Variants in WWOX observed in about 807,000 individuals in gnomAD.
WWOX encodes WW domain-containing oxidoreductase.
WWOX carries 69 observed loss-of-function variants against 46.2 expected under a neutral mutation model. That is an observed-to-expected ratio of 1.49 (90% CI 1.23 to 1.82). The LOEUF (loss-of-function observed/expected upper bound fraction) is 1.82. Among genes scored for constraint, WWOX ranks in the 40% most tolerant of loss-of-function variants. The pLI, the probability that WWOX is intolerant of heterozygous loss-of-function variation, is 0.00. For missense variants in WWOX, 919 were observed against 542.6 expected, an observed-to-expected ratio of 1.69 and a Z score of -6.89; for synonymous variants, 359 against 202.6, an observed-to-expected ratio of 1.77 and a Z score of -6.56.
At chr16:78,433,711 ACTGT>A (rs2083273333) in intron 8 of WWOX, among the ~76,000 whole-genome samples, 1 of 150,632 alleles carries the variant, frequency 6.6e-6, no homozygotes, top group African/African-American at 2.4e-5. Flanking sequence ...GACCTTGGAA[ACTGT>A]CTGCTGCCTT....
At chr16:78,301,282 A>G (rs563832670) in intron 5 of WWOX, among the ~76,000 whole-genome samples, 5 of 152,312 alleles carry the variant, frequency 3.3e-5, no homozygotes, top group African/African-American at 9.6e-5. Flanking sequence ...AAGTTCACAC[A>G]TTACATTTGG....
rs565428136 is a variant in WWOX at position 78,115,956 on chromosome 16, C to T, written c.409+802C>T. Among the ~76,000 whole-genome samples, 88 of 152,246 alleles carry T rather than the reference C, an allele frequency of 5.8e-4. 2 individuals are homozygous for T. Among genetic ancestry groups the T allele is most frequent in the African/African-American group, 2.1e-3 (88 of 41,548 alleles). On this transcript the variant is annotated intron_variant, in intron 4 of 8. Transcript: ENST00000566780. ...GTCCCCCGCAGCCCTCACACGGCCC[C>T]CTTGATGCCCTCCTCTACTCATTTG...
intron 8 of WWOX, among the ~76,000 whole-genome samples, chr16:78,771,784 T>C (rs1274288211): frequency 6.7e-6 from 1 of 148,458 alleles, no homozygotes; most frequent in Non-Finnish European, 1.5e-5. Context: ...AATAAATAAA[T>C]AAATAAATAA....
intron 8 of WWOX, among the ~76,000 whole-genome samples, chr16:78,871,572 C>A (rs1567616688): frequency 6.6e-6 from 1 of 152,110 alleles, no homozygotes; most frequent in Non-Finnish European, 1.5e-5. Flanking sequence ...CAATCTAAAT[C>A]CTAAATTGAG....
intron 8 of WWOX, among the ~76,000 whole-genome samples, chr16:78,574,367 A>G (rs2044795337): frequency 6.6e-6 from 1 of 152,222 alleles, no homozygotes; most frequent in African/African-American, 2.4e-5. Flanking sequence ...ACCAGGTGGT[A>G]GGGATTATGT....
chr16:78,830,944 T>A lies in WWOX; in HGVS notation c.1057-380664T>A, dbSNP rs577269184. Among the ~76,000 whole-genome samples, 7 of 152,306 alleles carry A rather than the reference T, an allele frequency of 4.6e-5. No individual in the cohort carries two copies. In the East Asian group the frequency reaches 1.4e-3, roughly 29 times the overall value. On this transcript the variant is annotated intron_variant, in intron 8 of 8. Transcript: ENST00000566780. Reference sequence around the variant, plus strand: ...TTATCAAAAGGGCCATAGCAATCATTGCAAACATGTTTAGGAGGATTTGGA... The same window carrying A: ...TTATCAAAAGGGCCATAGCAATCATAGCAAACATGTTTAGGAGGATTTGGA...
At chr16:78,147,709 G>C (rs1474817011) in intron 4 of WWOX, among the ~76,000 whole-genome samples, 2 of 111,330 alleles carry the variant, frequency 1.8e-5, no homozygotes, top group African/African-American at 3.6e-5. Context: ...AAAAAAAAAA[G>C]GTGCTTGAAT....
chr16:78,324,958 A>T (rs754990873), intron 5 of WWOX, among the ~76,000 whole-genome samples: 3 of 152,188 alleles, frequency 2.0e-5, no homozygotes, highest in Non-Finnish European at 2.9e-5. Context: ...AAAAAATCTG[A>T]AAGTGTCAAT....
At chr16:79,044,389 C>A (rs58418896) in intron 8 of WWOX, among the ~76,000 whole-genome samples, 2,135 of 152,232 alleles carry the variant, frequency 0.014, 60 homozygotes, top group African/African-American at 0.05. Flanking sequence ...GGGTGGATTT[C>A]TCATGAATGG....
At chr16:79,062,718 G>A (rs2048377156) in intron 8 of WWOX, among the ~76,000 whole-genome samples, 1 of 152,150 alleles carries the variant, frequency 6.6e-6, no homozygotes, top group East Asian at 1.9e-4. Flanking sequence ...CTGGTTTTCA[G>A]CCTGAGGAGG....
intron 8 of WWOX, among the ~76,000 whole-genome samples, chr16:79,210,821 C>T (rs576876943): frequency 6.6e-6 from 1 of 152,258 alleles, no homozygotes; most frequent in South Asian, 2.1e-4. Flanking sequence ...CGTCCCTAGC[C>T]ACAGCCGCAA....
chr16:78,269,523 T>G (rs2079433851), intron 5 of WWOX, among the ~76,000 whole-genome samples: 1 of 152,164 alleles, frequency 6.6e-6, no homozygotes, highest in South Asian at 2.1e-4. Context: ...AAATCAAGAC[T>G]TCAGCCACCG....
intron 6 of WWOX, among the ~76,000 whole-genome samples, chr16:78,410,805 CAAAAAA>C (rs61207788): frequency 0.015 from 1,147 of 74,974 alleles, 12 homozygotes; most frequent in African/African-American, 0.041. Flanking sequence ...GGCCCCACCT[CAAAAAA>C]AAAAAAAAAA....
chr16:78,901,677 C>G (rs994745131), intron 8 of WWOX, among the ~76,000 whole-genome samples: 1 of 152,156 alleles, frequency 6.6e-6, no homozygotes, highest in Non-Finnish European at 1.5e-5. Context: ...TTTGTAGTAA[C>G]ACGGTTTTTT....
At chr16:78,338,006 G>C (rs932724041) in intron 5 of WWOX, among the ~76,000 whole-genome samples, 1 of 119,862 alleles carries the variant, frequency 8.3e-6, no homozygotes, top group African/African-American at 2.8e-5. Flanking sequence ...AGCTGATGAG[G>C]ATAGCAGTTT....
intron 5 of WWOX, among the ~76,000 whole-genome samples, chr16:78,295,608 G>C (rs2079932596): frequency 6.6e-6 from 1 of 152,198 alleles, no homozygotes; most frequent in South Asian, 2.1e-4. Context: ...CTACTCAGGA[G>C]GCTGAGATGG....
intron 5 of WWOX, among the ~76,000 whole-genome samples, chr16:78,193,613 C>G (rs1013447867): frequency 1.3e-4 from 3 of 22,704 alleles, no homozygotes; most frequent in Non-Finnish European, 2.6e-4. Flanking sequence ...CATTAGAATT[C>G]TTATGGAAAA....
At chr16:79,082,034 A>G (rs4888920) in intron 8 of WWOX, among the ~76,000 whole-genome samples, 77,050 of 151,934 alleles carry the variant, frequency 0.51, 19,622 homozygotes, top group Admixed American at 0.58. Flanking sequence ...AGTGTGGTTT[A>G]TGTCAAAATC....
chr16:78,363,683 C>T (rs1048813581), intron 5 of WWOX, among the ~76,000 whole-genome samples: 2 of 152,152 alleles, frequency 1.3e-5, no homozygotes, highest in African/African-American at 4.8e-5. Context: ...CATTCAGGTT[C>T]TTCTATTAAC....
Sources: gnomAD v4.1 joint callset for allele counts (sites outside exome capture counted in the v4.1 genomes callset) on GRCh38, gnomAD v4.1.1 for gene constraint, MANE v1.5 for transcripts, NCBI Gene and HGNC (gene_info 2026-07-23, HGNC 2026-07-21) for gene names.